SH2D3A: variants seen among roughly 807,000 people sequenced by gnomAD.
SH2D3A encodes the protein SH2 domain-containing protein 3A.
SH2D3A carries 46 observed loss-of-function variants against 50.6 expected under a neutral mutation model. The ratio of observed to expected loss-of-function variants is 0.91; its 90% confidence interval spans 0.72 to 1.16. SH2D3A has a LOEUF of 1.16. Among genes scored for constraint, SH2D3A ranks in the 50% most tolerant of loss-of-function variants. The probability of loss-of-function intolerance (pLI) is 0.00; values close to 1 mark genes in which losing one functional copy is unlikely to be tolerated. For synonymous variants in SH2D3A, 377 were observed against 348.4 expected, an observed-to-expected ratio of 1.08 and a Z score of -0.91; for missense variants, 783 against 786.2, an observed-to-expected ratio of 1.00 and a Z score of 0.05.
In SH2D3A at chr19:6,752,570, TG is replaced by T. The variant is rs1177908248; in HGVS notation, c.*22del. 163 of 1,507,378 alleles carry T rather than the reference TG, an allele frequency of 1.1e-4. No homozygotes were observed. The highest frequency in any genetic ancestry group is 1.4e-4 in the Non-Finnish European group (159 of 1,123,428). 93.4% of individuals were successfully genotyped at this position (1,507,378 alleles called of 1,614,324 possible). A position where few individuals can be genotyped will look rare whatever the true frequency, so the allele number is the denominator to read the frequency against. On this transcript the variant is annotated 3_prime_UTR_variant, in exon 10 of 10. Transcript: ENST00000245908. ...TTCGCAAAAACCTGGGGGTCCCGGG[TG>T]TGAAGAAGGGTGTCTGCGCTCTCAG... is the stretch of plus-strand genomic sequence containing the variant.
intron 4 of SH2D3A, chr19:6,757,608 C>T (rs1969771092): frequency 6.6e-6 from 1 of 152,242 alleles, no homozygotes; most frequent in Non-Finnish European, 1.5e-5. Flanking sequence ...TCATTTCCTT[C>T]AATTTTATTT....
intron 9 of SH2D3A, 161 bp from the exon 10 acceptor site, chr19:6,752,914 G>A: frequency 1.0e-6 from 1 of 985,326 alleles, no homozygotes; most frequent in Middle Eastern, 5.2e-4. Flanking sequence ...AGAGGGGAGG[G>A]GGCTTCCAGC....
At chr19:6,762,486 A>AT (rs138638983) in intron 2 of SH2D3A, among the ~76,000 whole-genome samples, 4,674 of 108,070 alleles carry the variant, frequency 0.043, 295 homozygotes, top group African/African-American at 0.15. Context: ...TGCCCGGCCC[A>AT]TTTTTTTCTT....
rs1323260890 is a variant in SH2D3A at position 6,763,533 on chromosome 19, G to A, written c.69+147C>T. 8 of 557,802 alleles carry A rather than the reference G, an allele frequency of 1.4e-5. No individual in the cohort carries two copies. In the East Asian group the frequency reaches 2.5e-4, roughly 18 times the overall value. The allele number at this position is 557,802 out of a possible 1,614,324, so 34.6% of individuals were successfully genotyped here. ...TAAATATAGTGACAGTCCCCAGCCA[G>A]CCAACCTTCAAGACAGTCCCCAGCC... On this transcript the variant is annotated intron_variant, in intron 2 of 9. Coordinates refer to ENST00000245908, the MANE Select transcript of SH2D3A (RefSeq NM_005490.3).
Position 6,753,629 on chromosome 19 carries a change from G to T in SH2D3A, c.1397C>A (p.Pro466His), listed in dbSNP as rs1194610746. 1.3e-6 allele frequency: 2 copies of T among 1,577,098 alleles called. No homozygotes were observed. Among genetic ancestry groups the T allele is most frequent in the African/African-American group, 1.3e-5 (1 of 74,496 alleles). ...ALDEGAGPCD[P>H]GEVALPHVAP... ...CACGTGCGGCAGCGCCACCTCGCCG[G>T]GGTCGCAGGGTCCTGCGGAGGGGGA... is the stretch of plus-strand genomic sequence containing the variant. The change falls in exon 9 of 10, where the codon CCC becomes CAC. Residue 466 changes from proline to histidine, a missense_variant. By Grantham distance (77) the Pro-to-His change is moderately conservative (BLOSUM62 -2). Transcript: ENST00000245908.
chr19:6,753,399 G>T, intron 9 of SH2D3A, 57 bp downstream of exon 9: 1 of 1,420,592 alleles, frequency 7.0e-7, no homozygotes. Context: ...TGGGGGATCC[G>T]GTTAGAACCT....
At chr19:6,753,308 T>A in intron 9 of SH2D3A, 148 bp downstream of exon 9, 1 of 1,395,708 alleles carries the variant, frequency 7.2e-7, no homozygotes, top group South Asian at 1.6e-5. Flanking sequence ...GGTGAGAACC[T>A]TCCTGGAGTG....
intron 2 of SH2D3A, 191 bp from the exon 3 acceptor site, chr19:6,761,178 T>G: frequency 1.7e-6 from 1 of 581,152 alleles, no homozygotes; most frequent in Non-Finnish European, 3.1e-6. Flanking sequence ...TAGACTACAT[T>G]TCCCAGGTTC....
chr19:6,759,304 G>C (rs1346309444), intron 4 of SH2D3A: 1 of 300,628 alleles, frequency 3.3e-6, no homozygotes. Flanking sequence ...GTGGAGATGG[G>C]GTTTCACCAT....
At chr19:6,754,778 ATGGTTGGGTCT>A (rs1969552299) in intron 5 of SH2D3A, 42 bp downstream of exon 5, 1 of 1,613,704 alleles carries the variant, frequency 6.2e-7, no homozygotes, top group Admixed American at 1.7e-5. Flanking sequence ...TTATGTAGGC[ATGGTTGGGTCT>A]TGCCCTGGGC....
intron 9 of SH2D3A, 154 bp downstream of exon 9, chr19:6,753,302 A>G: frequency 1.0e-6 from 1 of 985,314 alleles, no homozygotes; most frequent in South Asian, 4.7e-5. Context: ...GCTTGGGGTG[A>G]GAACCTTCCT....
chr19:6,760,313 T>G (rs1203158949), intron 3 of SH2D3A, among the ~76,000 whole-genome samples: 1 of 151,254 alleles, frequency 6.6e-6, no homozygotes, highest in Non-Finnish European at 1.5e-5. Context: ...GAGGCGGAGG[T>G]TGCAGTGGGC....
At chr19:6,760,604 G>C (rs756687404) in intron 3 of SH2D3A, 34 bp downstream of exon 3, 36 of 1,480,302 alleles carry the variant, frequency 2.4e-5, no homozygotes, top group Non-Finnish European at 2.6e-5. Context: ...GCGAGTGTTG[G>C]GTGTTCTCAA....
In SH2D3A at chr19:6,755,247, C is replaced by G; in HGVS notation, c.565G>C (p.Ala189Pro). 3 of 1,531,512 alleles carry G rather than the reference C, an allele frequency of 2.0e-6. No homozygotes were observed. Among genetic ancestry groups the G allele is most frequent in the Non-Finnish European group, 2.6e-6 (3 of 1,139,410 alleles). The allele number at this position is 1,531,512 out of a possible 1,614,324, so 94.9% of individuals were successfully genotyped here. A position where few individuals can be genotyped will look rare whatever the true frequency, so the allele number is the denominator to read the frequency against. Residue 189 changes from alanine to proline, a missense_variant, in exon 5 of 10, where the codon GCT becomes CCT. Physicochemically the swap from Ala to Pro is conservative, Grantham distance 27. Coordinates refer to ENST00000245908, the MANE Select transcript of SH2D3A (RefSeq NM_005490.3). ...SSDPVLLKAP[A>P]PLGTVADSLR... ...CTGTCGGCAACAGTTCCCAGGGGAG[C>G]AGGGGCCTTCAGCAACACCGGGTCA...
chr19:6,752,926 C>G, intron 9 of SH2D3A, 173 bp from the exon 10 acceptor site: 1 of 985,036 alleles, frequency 1.0e-6, no homozygotes, highest in South Asian at 4.7e-5. Context: ...GCTTCCAGCT[C>G]TCTGCAGGAA....
intron 4 of SH2D3A, 58 bp from the exon 5 acceptor site, chr19:6,755,373 G>C (rs539820299): frequency 1.4e-4 from 181 of 1,255,056 alleles, no homozygotes; most frequent in Non-Finnish European, 1.9e-4. Flanking sequence ...CTGAATGGGC[G>C]GGGGTGAGAG....
At position 6,753,538 on chromosome 19, in the gene SH2D3A, C is replaced by A. The variant is rs1438837483; in HGVS notation, c.1488G>T (p.Arg496=). 1.9e-6 allele frequency: 3 copies of A among 1,567,408 alleles called. No individual in the cohort carries two copies. The highest frequency in any genetic ancestry group is 1.7e-6 in the Non-Finnish European group (2 of 1,156,750). Residue 496 remains arginine (R), a synonymous_variant, in exon 9 of 10, where the codon CGG becomes CGT. Coordinates refer to ENST00000245908, the MANE Select transcript of SH2D3A (RefSeq NM_005490.3). The part of the protein sequence containing the change: ...VAGPLDESCE[R]LLRTLHGARH... ...GCGCCCCGTGCAGGGTGCGCAACAG[C>A]CGCTCACAGCTCTCGTCCAGCGGCC...
At chr19:6,753,219 G>A in intron 9 of SH2D3A, 8 of 985,380 alleles carry the variant, frequency 8.1e-6, no homozygotes, top group Non-Finnish European at 9.6e-6. Context: ...CCGCGGAGGT[G>A]GCTCTGGGGG....
intron 1 of SH2D3A, among the ~76,000 whole-genome samples, chr19:6,765,274 G>T (rs1970246877): frequency 6.6e-6 from 1 of 152,088 alleles, no homozygotes; most frequent in African/African-American, 2.4e-5. Flanking sequence ...ACCAGGAAAG[G>T]TCTCATTGAG....
Sources: allele counts gnomAD v4.1 joint callset (sites outside exome capture counted in the v4.1 genomes callset), GRCh38; gene constraint gnomAD v4.1.1; transcripts MANE v1.5; gene names NCBI Gene and HGNC (gene_info 2026-07-23, HGNC 2026-07-21).